The following ARFGEF3 variants were observed in gnomAD, a reference collection of about 807,000 sequenced individuals.
ARFGEF3 encodes the protein ARFGEF family member 3.
A neutral mutation model predicts 221.7 loss-of-function variants in ARFGEF3; 96 were observed. The observed-to-expected ratio is 0.43, with a 90% confidence interval of 0.37 to 0.51. The LOEUF is 0.51. Ranked by LOEUF, ARFGEF3 falls within the 20% of genes least tolerant of loss-of-function variation. ARFGEF3 has a pLI of 0.00. For synonymous variants in ARFGEF3, 1,145 were observed against 1,126.8 expected (o/e 1.02, Z -0.32); for missense variants, 2,410 against 2,789.9 (o/e 0.86, Z 3.07).
chr6:138,316,554 C>G (rs1779929367), intron 26 of ARFGEF3, among the ~76,000 whole-genome samples: 1 of 151,514 alleles, frequency 6.6e-6, no homozygotes, highest in African/African-American at 2.4e-5. Context: ...TATCTTTGCT[C>G]TCTCTTCCTC....
At position 138,262,930 on chromosome 6, in the gene ARFGEF3, C is replaced by T. The variant is rs763037930; in HGVS notation, c.1447C>T (p.Arg483Trp). Residue 483 changes from arginine (R) to tryptophan (W), a missense_variant, in exon 12 of 34, where the codon CGG becomes TGG. Physicochemically the swap from Arg to Trp is moderately radical, Grantham distance 101. Around this residue, in one of 5 missense-constraint regions of ARFGEF3, gnomAD observed 594 missense variants for 734.3 expected, o/e 0.81. Coordinates refer to ENST00000251691, the MANE Select transcript of ARFGEF3 (RefSeq NM_020340.5). ...EINEADFRWQRRVLSSEHTPW... is the reference protein window; with the variant it reads ...EINEADFRWQWRVLSSEHTPW... ...CAATGAGGCTGACTTCCGCTGGCAG[C>T]GGCGAGTGCTGTCCTCAGAACACAC... The T allele has an allele frequency of 1.4e-5, 22 of 1,605,558 alleles. No individual in the cohort carries two copies. The highest frequency in any genetic ancestry group is 2.2e-5 in the East Asian group (1 of 44,474).
At chr6:138,304,345 G>T (rs1037262897) in intron 22 of ARFGEF3, among the ~76,000 whole-genome samples, 1 of 152,176 alleles carries the variant, frequency 6.6e-6, no homozygotes, top group African/African-American at 2.4e-5. Context: ...TGAGGGTGGG[G>T]TGGTGGAGTA....
At chr6:138,195,360 A>G (rs745394353) in intron 2 of ARFGEF3, among the ~76,000 whole-genome samples, 2 of 152,314 alleles carry the variant, frequency 1.3e-5, no homozygotes, top group Non-Finnish European at 2.9e-5. Flanking sequence ...TTTAAAATGT[A>G]GAAACATGTA....
At chr6:138,166,352 A>T (rs1487882621) in intron 1 of ARFGEF3, among the ~76,000 whole-genome samples, 2 of 152,234 alleles carry the variant, frequency 1.3e-5, no homozygotes, top group Non-Finnish European at 2.9e-5. Flanking sequence ...CGGAGATAAC[A>T]CTGTTGACAT....
At chr6:138,182,465 C>T (rs1777095478) in intron 2 of ARFGEF3, among the ~76,000 whole-genome samples, 1 of 152,162 alleles carries the variant, frequency 6.6e-6, no homozygotes, top group African/African-American at 2.4e-5. Flanking sequence ...AAAACAGCTT[C>T]AAATGCAATT....
At chr6:138,254,101 C>T (rs535354159) in intron 9 of ARFGEF3, 117 bp downstream of exon 9, 166 of 624,568 alleles carry the variant, frequency 2.7e-4, no homozygotes, top group Non-Finnish European at 4.1e-4. Context: ...TTCATCTGTG[C>T]GTAAATGTCT....
intron 2 of ARFGEF3, among the ~76,000 whole-genome samples, chr6:138,202,114 C>T (rs1777547982): frequency 6.6e-6 from 1 of 152,192 alleles, no homozygotes; most frequent in Admixed American, 6.5e-5. Flanking sequence ...ACCTGGGGGC[C>T]ACTGCCTTTA....
chr6:138,188,317 G>A (rs186133283), intron 2 of ARFGEF3, among the ~76,000 whole-genome samples: 12 of 152,212 alleles, frequency 7.9e-5, no homozygotes, highest in Non-Finnish European at 1.3e-4. Context: ...CCCCCCCTCC[G>A]GTAATGAGGA....
chr6:138,166,069 G>A (rs1383001561), intron 1 of ARFGEF3, among the ~76,000 whole-genome samples: 2 of 152,228 alleles, frequency 1.3e-5, no homozygotes, highest in Non-Finnish European at 2.9e-5. Context: ...TCAAAAGCCA[G>A]GGGAATGGAT....
chr6:138,252,059 T>C (rs759704295), intron 8 of ARFGEF3, among the ~76,000 whole-genome samples: 3 of 152,176 alleles, frequency 2.0e-5, no homozygotes, highest in Non-Finnish European at 4.4e-5. Flanking sequence ...ATCACCTTCC[T>C]CTTGGCAAAT....
At chr6:138,196,903 G>A (rs909594002) in intron 2 of ARFGEF3, among the ~76,000 whole-genome samples, 1 of 151,242 alleles carries the variant, frequency 6.6e-6, no homozygotes, top group Non-Finnish European at 1.5e-5. Flanking sequence ...GTGTGATCTC[G>A]GCTCACCGCA....
At chr6:138,298,231 T>A (rs941433052) in intron 21 of ARFGEF3, among the ~76,000 whole-genome samples, 1 of 152,170 alleles carries the variant, frequency 6.6e-6, no homozygotes, top group Admixed American at 6.5e-5. Flanking sequence ...AAATGACTCA[T>A]CTGATCTTCC....
At chr6:138,263,749 G>A (rs1391698329) in intron 12 of ARFGEF3, 138 bp downstream of exon 12, 24 of 815,750 alleles carry the variant, frequency 2.9e-5, no homozygotes, top group Admixed American at 5.8e-5. Context: ...AGTTTAAAGA[G>A]GGCGAAGAAA....
chr6:138,331,049 AATT>A (rs1242846242), intron 32 of ARFGEF3, among the ~76,000 whole-genome samples: 3 of 152,218 alleles, frequency 2.0e-5, no homozygotes, highest in Non-Finnish European at 4.4e-5. Flanking sequence ...ACATTCAGCC[AATT>A]ATTCTTGCTG....
intron 9 of ARFGEF3, among the ~76,000 whole-genome samples, chr6:138,255,009 C>T (rs964956765): frequency 2.6e-5 from 4 of 152,212 alleles, no homozygotes; most frequent in African/African-American, 7.2e-5. Context: ...CCAGAAGTGA[C>T]AGGCCCCACA....
intron 4 of ARFGEF3, among the ~76,000 whole-genome samples, chr6:138,226,535 T>C (rs9484129): frequency 0.11 from 17,188 of 152,192 alleles, 2,553 homozygotes; most frequent in African/African-American, 0.35. Context: ...CAAGCTGGTG[T>C]AGATTGCAGG....
chr6:138,273,245 A>G (rs959592806), intron 12 of ARFGEF3, among the ~76,000 whole-genome samples: 3 of 152,212 alleles, frequency 2.0e-5, no homozygotes, highest in African/African-American at 4.8e-5. Context: ...CTTCAGTACT[A>G]TTAAATGTTC....
intron 23 of ARFGEF3, 55 bp downstream of exon 23, chr6:138,307,452 T>A: frequency 6.5e-7 from 1 of 1,531,946 alleles, no homozygotes. Context: ...GTGCCAAGTT[T>A]CATGCTATTA....
In ARFGEF3 at chr6:138,263,381, A is replaced by G; in HGVS notation, c.1898A>G (p.Asp633Gly). ...GRSDVSDIGSDNCSLADEEQT... is the reference protein window; with the variant it reads ...GRSDVSDIGSGNCSLADEEQT... Reference sequence around the variant, plus strand: ...TCCGACGTGTCAGACATTGGGTCGGACAACTGTTCACTAGCCGATGAAGAG... The same window carrying G: ...TCCGACGTGTCAGACATTGGGTCGGGCAACTGTTCACTAGCCGATGAAGAG... Residue 633 changes from aspartate (D) to glycine (G), a missense_variant, in exon 12 of 34, where the codon GAC (aspartate) becomes GGC (glycine). By Grantham distance (94) the Asp-to-Gly change is moderately conservative. This residue lies in a region of ARFGEF3 where 594 missense variants were observed against 734.3 expected (regional missense o/e 0.81). Transcript: ENST00000251691. The G allele has an allele frequency of 6.2e-7, 1 of 1,614,008 alleles. No homozygotes were observed. Among genetic ancestry groups the G allele is most frequent in the Non-Finnish European group, 8.5e-7 (1 of 1,179,884 alleles).
Sources: gnomAD v4.1 joint callset for allele counts (sites outside exome capture counted in the v4.1 genomes callset) on GRCh38, gnomAD v4.1.1 for gene constraint, gnomAD v4.1.1 regional missense constraint, MANE v1.5 for transcripts, NCBI Gene and HGNC (gene_info 2026-07-23, HGNC 2026-07-21) for gene names.